Variants in LRRC7 observed in about 807,000 individuals in gnomAD.
The protein encoded by LRRC7 is leucine-rich repeat-containing protein 7.
LRRC7 carries 23 observed loss-of-function variants against 175.7 expected under a neutral mutation model. That is an observed-to-expected ratio of 0.13 (90% CI 0.09 to 0.19). The LOEUF (loss-of-function observed/expected upper bound fraction) is 0.19. Ranked by LOEUF, LRRC7 falls within the 10% of genes least tolerant of loss-of-function variation. The pLI is 1.00. For synonymous variants in LRRC7, 685 were observed against 680.9 expected, an observed-to-expected ratio of 1.01 and a Z score of -0.09; for missense variants, 1,354 against 1,904.7, an observed-to-expected ratio of 0.71 and a Z score of 5.38.
At chr1:69,937,881 A>G (rs1226261741) in intron 8 of LRRC7, among the ~76,000 whole-genome samples, 1 of 151,998 alleles carries the variant, frequency 6.6e-6, no homozygotes, top group East Asian at 1.9e-4. Flanking sequence ...ACCTTTTTAC[A>G]TAAAATTATA....
chr1:69,752,767 A>G (rs116668884), intron 2 of LRRC7, among the ~76,000 whole-genome samples: 283 of 152,306 alleles, frequency 1.9e-3, no homozygotes, highest in Non-Finnish European at 3.3e-3. Flanking sequence ...ATTGAAAACA[A>G]TATCATTCAA....
chr1:70,022,891 T>C (rs1657660231), intron 16 of LRRC7, among the ~76,000 whole-genome samples: 2 of 152,202 alleles, frequency 1.3e-5, no homozygotes, highest in South Asian at 4.1e-4. Flanking sequence ...TATAATGCCC[T>C]ACTTACAGTC....
intron 24 of LRRC7, among the ~76,000 whole-genome samples, chr1:70,081,337 G>T (rs1055247921): frequency 6.6e-6 from 1 of 152,182 alleles, no homozygotes; most frequent in Non-Finnish European, 1.5e-5. Flanking sequence ...ACAAGACACA[G>T]TATATTTAAA....
intron 7 of LRRC7, among the ~76,000 whole-genome samples, chr1:69,847,522 C>A (rs573957845): frequency 7.9e-5 from 12 of 152,058 alleles, no homozygotes; most frequent in Non-Finnish European, 2.9e-5. Flanking sequence ...CTTTTCCACC[C>A]ACCACCGCAT....
At chr1:69,671,257 C>T (rs1190985787) in intron 1 of LRRC7, among the ~76,000 whole-genome samples, 1 of 152,088 alleles carries the variant, frequency 6.6e-6, no homozygotes, top group African/African-American at 2.4e-5. Context: ...AGCATGTTCC[C>T]TTCTTGCCTA....
At chr1:70,039,832 C>A in intron 21 of LRRC7, 39 bp downstream of exon 21, 1 of 1,529,492 alleles carries the variant, frequency 6.5e-7, no homozygotes, top group Non-Finnish European at 8.8e-7. Context: ...TCCCTCCTGC[C>A]TTTAGTGTTA....
intron 7 of LRRC7, chr1:69,874,125 C>T (rs1685822822): frequency 6.6e-6 from 1 of 151,992 alleles, no homozygotes; most frequent in Admixed American, 6.6e-5. Context: ...TTTTATGTAT[C>T]CTTTCATCTT....
intron 2 of LRRC7, among the ~76,000 whole-genome samples, chr1:69,683,321 TC>T (rs2100622973): frequency 6.6e-6 from 1 of 152,300 alleles, no homozygotes; most frequent in South Asian, 2.1e-4. Flanking sequence ...TGTGTAAGAT[TC>T]TACCAAATGC....
intron 7 of LRRC7, chr1:69,919,463 G>A (rs915053204): frequency 4.0e-6 from 4 of 992,656 alleles, no homozygotes; most frequent in Non-Finnish European, 6.2e-6. Context: ...CAGTGGGAGC[G>A]GCCCAGCGGG....
chr1:69,887,568 C>CTCCCA (rs766054855), intron 7 of LRRC7, among the ~76,000 whole-genome samples: 1 of 151,934 alleles, frequency 6.6e-6, no homozygotes, highest in South Asian at 2.1e-4. Context: ...TTTGAATGTC[C>CTCCCA]TCCCATAGCT....
At chr1:69,633,726 G>A (rs1261780301) in intron 1 of LRRC7, among the ~76,000 whole-genome samples, 2 of 152,076 alleles carry the variant, frequency 1.3e-5, no homozygotes, top group Non-Finnish European at 2.9e-5. Context: ...ACCGTGCCCA[G>A]CCAAACATAC....
chr1:70,069,097 G>C (rs577226658), intron 23 of LRRC7, among the ~76,000 whole-genome samples: 17 of 152,194 alleles, frequency 1.1e-4, no homozygotes, highest in African/African-American at 3.9e-4. Context: ...GTTTGCTTTA[G>C]TTTTCAGAAG....
At chr1:70,068,639 G>T (rs950267536) in intron 23 of LRRC7, among the ~76,000 whole-genome samples, 1 of 151,798 alleles carries the variant, frequency 6.6e-6, no homozygotes, top group Non-Finnish European at 1.5e-5. Context: ...TTTGGTATCA[G>T]GGTAATATTC....
chr1:69,881,045 T>C (rs1686549735), intron 7 of LRRC7, among the ~76,000 whole-genome samples: 2 of 152,218 alleles, frequency 1.3e-5, no homozygotes, highest in Non-Finnish European at 2.9e-5. Context: ...CCCAAACATG[T>C]GCACATGGGA....
At chr1:69,749,184 A>G (rs903695980) in intron 2 of LRRC7, among the ~76,000 whole-genome samples, 4 of 152,224 alleles carry the variant, frequency 2.6e-5, no homozygotes, top group African/African-American at 9.6e-5. Flanking sequence ...AAAGAGAAAA[A>G]CAAAAGTACT....
At chr1:69,658,294 A>G (rs1159250624) in intron 1 of LRRC7, among the ~76,000 whole-genome samples, 1 of 151,974 alleles carries the variant, frequency 6.6e-6, no homozygotes, top group African/African-American at 2.4e-5. Flanking sequence ...ATATATCATC[A>G]TGACAACTGA....
At chr1:69,755,347 C>T (rs977410114) in intron 2 of LRRC7, among the ~76,000 whole-genome samples, 19 of 145,438 alleles carry the variant, frequency 1.3e-4, no homozygotes, top group African/African-American at 4.0e-4. Context: ...TATATACACA[C>T]ACATATATAT....
chr1:70,039,882 C>T (rs556129407), intron 21 of LRRC7, 89 bp downstream of exon 21: 809 of 1,419,568 alleles, frequency 5.7e-4, no homozygotes, highest in Non-Finnish European at 7.2e-4. Flanking sequence ...GAAGCATGAA[C>T]TACATGAATG....
chr1:70,089,868 T>G, intron 25 of LRRC7, 49 bp downstream of exon 25: 2 of 1,301,892 alleles, frequency 1.5e-6, no homozygotes, highest in South Asian at 1.3e-5. Flanking sequence ...AAATACTATC[T>G]CCTACAGTAA....
Sources: allele counts gnomAD v4.1 joint callset (sites outside exome capture counted in the v4.1 genomes callset), GRCh38; gene constraint gnomAD v4.1.1; transcripts MANE v1.5; gene names NCBI Gene and HGNC (gene_info 2026-07-23, HGNC 2026-07-21).